PPP6R2: variants seen among roughly 807,000 people sequenced by gnomAD.
PPP6R2 encodes serine/threonine-protein phosphatase 6 regulatory subunit 2.
In PPP6R2, 62 loss-of-function variants were observed where a neutral mutation model predicts 100.2. That is an observed-to-expected ratio of 0.62 (90% CI 0.50 to 0.76). The LOEUF (loss-of-function observed/expected upper bound fraction) is 0.76, where lower values mean the gene tolerates loss of function less well. Among genes scored for constraint, PPP6R2 ranks in the 30% least tolerant of loss-of-function variants. The pLI is 0.00. For missense variants in PPP6R2, 1,142 were observed against 1,276.3 expected, an observed-to-expected ratio of 0.89 and a Z score of 1.60; for synonymous variants, 525 against 514.7, an observed-to-expected ratio of 1.02 and a Z score of -0.27.
In PPP6R2 at chr22:50,443,790, G is replaced by A. The variant is rs555489306; in HGVS notation, c.2580-76G>A. 9 of 1,488,182 alleles carry A rather than the reference G, an allele frequency of 6.0e-6. No homozygotes were observed. In the Admixed American group the frequency reaches 1.0e-4, roughly 17 times the overall value. 92.2% of individuals were successfully genotyped at this position (1,488,182 alleles called of 1,614,324 possible). A position where few individuals can be genotyped will look rare whatever the true frequency, so the allele number is the denominator to read the frequency against. On this transcript the variant is annotated intron_variant, in intron 22 of 23. Transcript: ENST00000612753. The stretch of plus-strand genomic sequence containing the variant: ...CAGGCCGCCTGGACCTTTTTGTCCA[G>A]CTGGTCCTTGGGCATGAGGCGGGGT...
chr22:50,444,618 GT>G lies in PPP6R2; in HGVS notation c.*381del, dbSNP rs34079114. 0.4 allele frequency: 79,348 copies of G among 199,658 alleles called. 18,579 individuals carry two copies. The highest frequency in any genetic ancestry group is 0.68 in the African/African-American group (27,752 of 40,744). The allele number at this position is 199,658 out of a possible 1,614,324, so 12.4% of individuals were successfully genotyped here. A position where few individuals can be genotyped will look rare whatever the true frequency, so the allele number is the denominator to read the frequency against. ...CGTGGACATGGAGGCTGTTTTTACA[GT>G]TTTTTTTTTGTTGTTGTTTTGTTTT... On this transcript the variant is annotated 3_prime_UTR_variant, in exon 24 of 24. Coordinates refer to ENST00000612753, the MANE Select transcript of PPP6R2 (RefSeq NM_001242898.2).
At chr22:50,384,525 A>G (rs975925351) in intron 2 of PPP6R2, among the ~76,000 whole-genome samples, 1 of 152,210 alleles carries the variant, frequency 6.6e-6, no homozygotes, top group Non-Finnish European at 1.5e-5. Flanking sequence ...ACTGCACTCC[A>G]GTCTGGGCGA....
chr22:50,396,469 T>A (rs1193629530), intron 3 of PPP6R2, among the ~76,000 whole-genome samples: 1 of 141,798 alleles, frequency 7.1e-6, no homozygotes, highest in Admixed American at 7.6e-5. Flanking sequence ...CACTCCAGCC[T>A]GGGCGACAGA....
chr22:50,426,396 A>G (rs1471020120), intron 10 of PPP6R2, among the ~76,000 whole-genome samples: 1 of 152,106 alleles, frequency 6.6e-6, no homozygotes, highest in Non-Finnish European at 1.5e-5. Flanking sequence ...CTTTTCCTCT[A>G]TGCTTCCTTC....
At chr22:50,335,657 G>A in the PPP6R2 span, among the ~76,000 whole-genome samples, 12 of 149,464 alleles carry the variant, frequency 8.0e-5, no homozygotes, top group African/African-American at 3.0e-4. Context: ...GACTACAGGT[G>A]CGCACCACCA....
At chr22:50,378,141 C>A (rs2052028393) in intron 2 of PPP6R2, among the ~76,000 whole-genome samples, 1 of 152,156 alleles carries the variant, frequency 6.6e-6, no homozygotes, top group Non-Finnish European at 1.5e-5. Context: ...AAACACAGAT[C>A]AACTTTATCT....
chr22:50,431,382 C>T lies in PPP6R2; in HGVS notation c.1335C>T (p.His445=), dbSNP rs2063110135. 6 of 1,611,194 alleles carry T rather than the reference C, an allele frequency of 3.7e-6. No individual in the cohort carries two copies. The highest frequency in any genetic ancestry group is 1.3e-5 in the African/African-American group (1 of 74,914). The part of the protein sequence containing the change: ...ASLPDNTMVT[H]LFQKCCLVQR... ...TCCCTGACAACACAATGGTGACCCACGTGAGTCCAAGAAGCATCCATCTTA... is the reference window on the plus strand; with the variant it reads ...TCCCTGACAACACAATGGTGACCCATGTGAGTCCAAGAAGCATCCATCTTA... The change falls in exon 11 of 24, where the codon CAC becomes CAT. Residue 445 remains histidine, a splice_region_variant and synonymous_variant. Transcript: ENST00000612753. This position sits in a 1 kb window ranked among gnomAD's most constrained non-coding sequence, Gnocchi z 4.8.
At position 50,417,113 on chromosome 22, in the gene PPP6R2, C is replaced by T. The variant is rs186442105; in HGVS notation, c.618+956C>T. Among the ~76,000 whole-genome samples the T allele has an allele frequency of 4.3e-3, 661 of 152,228 alleles. 8 individuals carry two copies. The highest frequency in any genetic ancestry group is 0.015 in the African/African-American group (616 of 41,530). ...GGCGTCTGAATGTGGCTTAGTGGCT[C>T]TTCTGTTGAGTCTCACAAAATACAG... is the stretch of plus-strand genomic sequence containing the variant. On this transcript the variant is annotated intron_variant, in intron 6 of 23. Transcript: ENST00000612753.
At chr22:50,365,069 C>CTTT (rs753699499) in intron 1 of PPP6R2, among the ~76,000 whole-genome samples, 4 of 128,428 alleles carry the variant, frequency 3.1e-5, no homozygotes, top group East Asian at 2.2e-4. Context: ...ATATGAGATA[C>CTTT]TTTTTTTTTT....
chr22:50,332,442 G>T, the PPP6R2 span, among the ~76,000 whole-genome samples: 2 of 151,484 alleles, frequency 1.3e-5, no homozygotes, highest in African/African-American at 4.9e-5. Flanking sequence ...GTGTTAGCCA[G>T]GATGGTCTTG....
chr22:50,337,566 GTGTC>G, the PPP6R2 span, among the ~76,000 whole-genome samples: 4 of 145,672 alleles, frequency 2.7e-5, no homozygotes, highest in Admixed American at 1.4e-4. Context: ...TGGGGTCTGT[GTGTC>G]TGTGTAGTGT....
intron 2 of PPP6R2, among the ~76,000 whole-genome samples, chr22:50,391,160 G>A (rs767981104): frequency 8.6e-5 from 13 of 151,686 alleles, no homozygotes; most frequent in Admixed American, 2.0e-4. Context: ...TAGTCCAGGC[G>A]CGGTGGCTCA....
chr22:50,406,885 G>A lies in PPP6R2; in HGVS notation c.414+10G>A, dbSNP rs200097055. On this transcript the variant is annotated intron_variant, in intron 4 of 23. Transcript: ENST00000612753. Reference sequence around the variant, plus strand: ...AAGAAAAACCGAACAGGTAAATCACGTGCAAAGCCTCCGTGACTTGGGGCA... The same window carrying A: ...AAGAAAAACCGAACAGGTAAATCACATGCAAAGCCTCCGTGACTTGGGGCA... 2.2e-5 allele frequency: 35 copies of A among 1,610,612 alleles called. No homozygotes were observed. Among genetic ancestry groups the A allele is most frequent in the African/African-American group, 5.3e-5 (4 of 74,964 alleles).
Position 50,431,161 on chromosome 22 carries a change from C to T in PPP6R2, c.1126-12C>T, listed in dbSNP as rs1016735012. ...CGATCTAAGAACTGTCTTCTGTCCT[C>T]TGTTTACCCAGGACTTGTTCTTTAA... On this transcript the variant is annotated splice_polypyrimidine_tract_variant and intron_variant, in intron 10 of 23. Transcript: ENST00000612753. The surrounding 1 kb of genome is among the most constrained non-coding windows in gnomAD (Gnocchi z 4.8). The T allele has an allele frequency of 3.1e-6, 5 of 1,596,710 alleles. No homozygotes were observed. Among genetic ancestry groups the T allele is most frequent in the East Asian group, 2.2e-5 (1 of 44,660 alleles).
At chr22:50,348,681 G>A (rs912136213) in intron 1 of PPP6R2, among the ~76,000 whole-genome samples, 2 of 152,130 alleles carry the variant, frequency 1.3e-5, no homozygotes, top group African/African-American at 4.8e-5. Flanking sequence ...GTATCTTACA[G>A]GAGGGTCTGG....
At chr22:50,332,004 A>G in the PPP6R2 span, among the ~76,000 whole-genome samples, 97 of 152,186 alleles carry the variant, frequency 6.4e-4, no homozygotes, top group Non-Finnish European at 6.9e-4. Flanking sequence ...GGCTCAAGCA[A>G]TCTTCCTACC....
chr22:50,438,941 C>T (rs994927951), intron 19 of PPP6R2, among the ~76,000 whole-genome samples, 179 bp downstream of exon 19: 34 of 152,326 alleles, frequency 2.2e-4, no homozygotes, highest in African/African-American at 7.9e-4. Flanking sequence ...TGCGCTGTGC[C>T]CAGCGCAAGG....
rs1248021907 is a variant in PPP6R2 at position 50,444,405 on chromosome 22, G to T, written c.*158G>T. On this transcript the variant is annotated 3_prime_UTR_variant, in exon 24 of 24. Coordinates refer to ENST00000612753, the MANE Select transcript of PPP6R2 (RefSeq NM_001242898.2). Reference sequence around the variant, plus strand: ...CAGTTGAAACCAGTTGGACGGCCCAGCTTGCGTCTCTTCTGCCTGAGTGGG... The same window carrying T: ...CAGTTGAAACCAGTTGGACGGCCCATCTTGCGTCTCTTCTGCCTGAGTGGG... 6 of 996,798 alleles carry T rather than the reference G, an allele frequency of 6.0e-6. No individual in the cohort carries two copies. The Admixed American group carries it at 1.4e-4, about 23-fold the overall frequency. The allele number at this position is 996,798 out of a possible 1,614,324, so 61.7% of individuals were successfully genotyped here.
intron 3 of PPP6R2, among the ~76,000 whole-genome samples, chr22:50,398,219 T>C (rs1482564314): frequency 6.6e-6 from 1 of 150,552 alleles, no homozygotes; most frequent in Non-Finnish European, 1.5e-5. Flanking sequence ...TCGCCCAGGC[T>C]GGAGTACGGT....
Sources: allele counts gnomAD v4.1 joint callset (sites outside exome capture counted in the v4.1 genomes callset), GRCh38; gene constraint gnomAD v4.1.1; non-coding constraint Gnocchi (gnomAD v3.1); transcripts MANE v1.5; gene names NCBI Gene and HGNC (gene_info 2026-07-23, HGNC 2026-07-21).